Variants in DMXL1 observed in about 807,000 individuals in gnomAD.
The protein encoded by DMXL1 is dmX-like protein 1.
Under a neutral mutation model 319.2 loss-of-function variants are expected in DMXL1, and 99 were observed. That is an observed-to-expected ratio of 0.31 (90% CI 0.26 to 0.37). The LOEUF is 0.37. Among genes scored for constraint, DMXL1 ranks in the 10% least tolerant of loss-of-function variants. The probability of loss-of-function intolerance (pLI) is 1.00; values close to 1 mark genes in which losing one functional copy is unlikely to be tolerated. For missense variants in DMXL1, 3,745 were observed against 3,595.6 expected, an observed-to-expected ratio of 1.04 and a Z score of -1.06; for synonymous variants, 1,385 against 1,235.2, an observed-to-expected ratio of 1.12 and a Z score of -2.54.
At chr5:119,139,201 T>A (rs1766715526) in intron 13 of DMXL1, among the ~76,000 whole-genome samples, 1 of 152,074 alleles carries the variant, frequency 6.6e-6, no homozygotes, top group African/African-American at 2.4e-5. Context: ...CACAGACCAG[T>A]AACACTATAA....
chr5:119,142,097 A>T (rs550479242), intron 13 of DMXL1, among the ~76,000 whole-genome samples: 1 of 152,308 alleles, frequency 6.6e-6, no homozygotes, highest in East Asian at 1.9e-4. Context: ...CTTACATCAT[A>T]TACAGAAATC....
chr5:119,221,165 A>T (rs1304960472), intron 37 of DMXL1, 84 bp downstream of exon 37: 1 of 1,000,166 alleles, frequency 1.0e-6, no homozygotes, highest in African/African-American at 1.6e-5. Context: ...GATTTAAAAC[A>T]TTTTTCTTAA....
intron 34 of DMXL1, among the ~76,000 whole-genome samples, chr5:119,210,637 C>A (rs1782594600): frequency 6.6e-6 from 1 of 151,830 alleles, no homozygotes; most frequent in South Asian, 2.1e-4. Flanking sequence ...GCCATTGATC[C>A]ATCTTTATGG....
At chr5:119,132,197 C>G (rs1386655848) in intron 10 of DMXL1, among the ~76,000 whole-genome samples, 1 of 152,126 alleles carries the variant, frequency 6.6e-6, no homozygotes, top group African/African-American at 2.4e-5. Flanking sequence ...AGGCTCTACA[C>G]TAGAATATGT....
Position 119,071,365 on chromosome 5 carries a change from A to AC in DMXL1, c.-202dup. 1.8e-6 allele frequency: 1 copy of AC among 555,160 alleles called. No homozygotes were observed. Among genetic ancestry groups the AC allele is most frequent in the Non-Finnish European group, 3.1e-6 (1 of 318,326 alleles). The allele number at this position is 555,160 out of a possible 1,614,324, so 34.4% of individuals were successfully genotyped here. On this transcript the variant is annotated 5_prime_UTR_variant, in exon 1 of 44. Coordinates refer to ENST00000539542, the MANE Select transcript of DMXL1 (RefSeq NM_001290321.3). ...AGCGCGGCGCTCCGCCCTCTCGCCG[A>AC]CCCGCCCCCTCCGGGCCTCGCCCTC... is the stretch of plus-strand genomic sequence containing the variant.
chr5:119,188,103 T>C (rs1778067906), intron 28 of DMXL1, among the ~76,000 whole-genome samples: 1 of 152,230 alleles, frequency 6.6e-6, no homozygotes, highest in Admixed American at 6.5e-5. Flanking sequence ...AAAAACTCTC[T>C]TATATTTTAC....
chr5:119,210,720 A>G (rs958123657), intron 34 of DMXL1, among the ~76,000 whole-genome samples: 1 of 127,378 alleles, frequency 7.9e-6, no homozygotes, highest in African/African-American at 3.0e-5. Flanking sequence ...TCATTCAAAT[A>G]TATTATTCTT....
At chr5:119,115,438 A>G (rs545426551) in intron 6 of DMXL1, among the ~76,000 whole-genome samples, 1 of 152,348 alleles carries the variant, frequency 6.6e-6, no homozygotes, top group East Asian at 1.9e-4. Context: ...TTCATAGAGC[A>G]TTTCACGAGC....
rs112912947 is a variant in DMXL1 at position 119,149,543 on chromosome 5, G to C, written c.3716G>C (p.Cys1239Ser). 10,371 of 1,613,878 alleles carry C rather than the reference G, an allele frequency of 6.4e-3. 222 individuals carry two copies. Among genetic ancestry groups the C allele is most frequent in the African/African-American group, 0.05 (3,759 of 75,000 alleles). ...ATGGACTGTGAAATGCATGTGTATT[G>C]CCAATGGCAACCATCTTCTAAACAA... Reference protein sequence around the residue: ...VGMDCEMHVYCQWQPSSKQEP... With the variant: ...VGMDCEMHVYSQWQPSSKQEP... Residue 1239 changes from cysteine to serine, a missense_variant, in exon 18 of 44, where the codon TGC (cysteine) becomes TCC (serine). Physicochemically the swap from Cys to Ser is moderately radical, Grantham distance 112 (BLOSUM62 -1). Around this residue, in one of 4 missense-constraint regions of DMXL1, gnomAD observed 2,096 missense variants for 1,985.4 expected, o/e 1.06. Coordinates refer to ENST00000539542, the MANE Select transcript of DMXL1 (RefSeq NM_001290321.3).
At chr5:119,116,402 C>A in intron 7 of DMXL1, 66 bp downstream of exon 7, 1 of 1,526,246 alleles carries the variant, frequency 6.6e-7, no homozygotes, top group South Asian at 1.2e-5. Context: ...TTGATTGCTT[C>A]TCTCACTTTT....
chr5:119,118,622 A>G (rs1022141248), intron 7 of DMXL1, among the ~76,000 whole-genome samples, 193 bp from the exon 8 acceptor site: 1 of 152,200 alleles, frequency 6.6e-6, no homozygotes, highest in Non-Finnish European at 1.5e-5. Flanking sequence ...CATTATTGAA[A>G]CAAGAACTAC....
intron 37 of DMXL1, 47 bp downstream of exon 37, chr5:119,221,128 T>C (rs1784576577): frequency 7.0e-7 from 1 of 1,432,018 alleles, no homozygotes; most frequent in Non-Finnish European, 9.6e-7. Flanking sequence ...ACTTTTATTT[T>C]TCCCTCTAGG....
intron 42 of DMXL1, among the ~76,000 whole-genome samples, chr5:119,242,929 AC>A (rs1199507821): frequency 6.6e-6 from 1 of 152,296 alleles, no homozygotes; most frequent in South Asian, 2.1e-4. Flanking sequence ...TACAGACCTC[AC>A]CTTTCATAAA....
At chr5:119,198,350 T>C (rs1044087621) in intron 32 of DMXL1, among the ~76,000 whole-genome samples, 1 of 152,206 alleles carries the variant, frequency 6.6e-6, no homozygotes, top group Non-Finnish European at 1.5e-5. Context: ...TCATAACTAC[T>C]CAACCCTGCC....
chr5:119,103,989 TGAA>T (rs1201864736), intron 3 of DMXL1: 3 of 152,214 alleles, frequency 2.0e-5, no homozygotes, highest in Admixed American at 2.0e-4. Flanking sequence ...AAAAACTTGA[TGAA>T]GAAGGGCAAA....
intron 1 of DMXL1, among the ~76,000 whole-genome samples, chr5:119,073,222 CT>C (rs1750044096): frequency 6.6e-6 from 1 of 152,176 alleles, no homozygotes; most frequent in African/African-American, 2.4e-5. Flanking sequence ...ATCACCACGG[CT>C]GGCTAAGTTT....
At chr5:119,241,448 T>C (rs949484992) in intron 42 of DMXL1, among the ~76,000 whole-genome samples, 3 of 146,752 alleles carry the variant, frequency 2.0e-5, no homozygotes, top group Admixed American at 7.1e-5. Context: ...GGCAGGAGAA[T>C]GGTGTGAACC....
chr5:119,162,408 C>T (rs1772466935), intron 19 of DMXL1, among the ~76,000 whole-genome samples: 1 of 152,116 alleles, frequency 6.6e-6, no homozygotes, highest in South Asian at 2.1e-4. Flanking sequence ...CATATTTCTG[C>T]AGGCTGGGAA....
At chr5:119,103,537 G>C (rs978628681) in intron 3 of DMXL1, among the ~76,000 whole-genome samples, 1 of 152,142 alleles carries the variant, frequency 6.6e-6, no homozygotes, top group African/African-American at 2.4e-5. Context: ...TCCTAGGTGT[G>C]AGTGTTCTTT....
Sources: gnomAD v4.1 joint callset for allele counts (sites outside exome capture counted in the v4.1 genomes callset) on GRCh38, gnomAD v4.1.1 for gene constraint, gnomAD v4.1.1 regional missense constraint, MANE v1.5 for transcripts, NCBI Gene and HGNC (gene_info 2026-07-23, HGNC 2026-07-21) for gene names.